RNF126: variants seen among roughly 807,000 people sequenced by gnomAD.
The protein encoded by RNF126 is E3 ubiquitin-protein ligase RNF126.
Under a neutral mutation model 41.9 loss-of-function variants are expected in RNF126, and 20 were observed. The observed-to-expected ratio is 0.48, with a 90% CI of 0.34 to 0.69. The LOEUF is 0.69. Ranked by LOEUF, RNF126 falls within the 30% of genes least tolerant of loss-of-function variation. The pLI is 0.01. For synonymous variants in RNF126, 239 were observed against 202.9 expected, an observed-to-expected ratio of 1.18 and a Z score of -1.51; for missense variants, 433 against 460.6, an observed-to-expected ratio of 0.94 and a Z score of 0.55.
chr19:657,117 T>C (rs1224621173), intron 1 of RNF126, among the ~76,000 whole-genome samples: 1 of 152,202 alleles, frequency 6.6e-6, no homozygotes, highest in Non-Finnish European at 1.5e-5. Flanking sequence ...CCATCTCTCC[T>C]GCTGGGTGCA....
At chr19:650,931 A>G (rs2040738) in intron 4 of RNF126, among the ~76,000 whole-genome samples, 128,930 of 152,072 alleles carry the variant, frequency 0.85, 55,093 homozygotes, top group East Asian at 1. Flanking sequence ...GCCTCCCTAC[A>G]TTGCTCAGGC....
chr19:650,501 C>A, intron 4 of RNF126: 1 of 495,034 alleles, frequency 2.0e-6, no homozygotes, highest in Non-Finnish European at 3.5e-6. Context: ...CACTGCAGCC[C>A]CAACCTGCTG....
At position 649,753 on chromosome 19, in the gene RNF126, A is replaced by G; in HGVS notation, c.507-5T>C. On this transcript the variant is annotated splice_polypyrimidine_tract_variant and splice_region_variant and intron_variant, in intron 5 of 8. Coordinates refer to ENST00000292363, the MANE Select transcript of RNF126 (RefSeq NM_194460.3). ...GGGTTTGAGTGCAGGACTCCCCTGG[A>G]GGTGGAAGGTGGGGTTCAAGTGGCT... 6.4e-7 allele frequency: 1 copy of G among 1,560,044 alleles called. No homozygotes were observed. Among genetic ancestry groups the G allele is most frequent in the Non-Finnish European group, 8.7e-7 (1 of 1,150,828 alleles).
In RNF126 at chr19:647,971, GTGGGCCGGGCCCGGGTCCTGCCC is replaced by G; in HGVS notation, c.*134_*156del. On this transcript the variant is annotated 3_prime_UTR_variant, in exon 9 of 9. Transcript: ENST00000292363. ...CACGCCTTCCCAAGCCAGGGGGCCGGTGGGCCGGGCCCGGGTCCTGCCCTGGAACAGGCGGGACCTGCAGCGCT... is the reference window on the plus strand; with the variant it reads ...CACGCCTTCCCAAGCCAGGGGGCCGGTGGAACAGGCGGGACCTGCAGCGCT... The G allele has an allele frequency of 1.1e-6, 1 of 935,458 alleles. No homozygotes were observed. The highest frequency in any genetic ancestry group is 1.7e-5 in the South Asian group (1 of 57,252). The allele number at this position is 935,458 out of a possible 1,614,324, so 57.9% of individuals were successfully genotyped here.
chr19:653,331 C>G (rs1053415375), intron 1 of RNF126, among the ~76,000 whole-genome samples: 1 of 152,236 alleles, frequency 6.6e-6, no homozygotes, highest in Admixed American at 6.5e-5. Context: ...GCCACGTCCA[C>G]GCTGGCCACA....
In RNF126 at chr19:647,774, C is replaced by A; in HGVS notation, c.*354G>T. The A allele has an allele frequency of 2.8e-6, 1 of 362,864 alleles. No individual in the cohort carries two copies. The highest frequency in any genetic ancestry group is 5.3e-6 in the Non-Finnish European group (1 of 188,716). 22.5% of individuals were successfully genotyped at this position (362,864 alleles called of 1,614,324 possible). On this transcript the variant is annotated 3_prime_UTR_variant, in exon 9 of 9. Transcript: ENST00000292363. ...TTCAGCGCTGGGGGAGCCGCTGGGC[C>A]CCGTCTTCCGCCACAAACCATGCAT...
intron 7 of RNF126, 26 bp downstream of exon 7, chr19:648,856 C>G (rs200892192): frequency 2.2e-5 from 30 of 1,363,464 alleles, no homozygotes; most frequent in Non-Finnish European, 2.8e-5. Flanking sequence ...GTAATTCCCA[C>G]TACTCGGGAG....
At chr19:661,163 G>A (rs769146743) in intron 1 of RNF126, among the ~76,000 whole-genome samples, 1 of 152,226 alleles carries the variant, frequency 6.6e-6, no homozygotes, top group Non-Finnish European at 1.5e-5. Flanking sequence ...GGTCCTCCGT[G>A]TCCAAGGCCA....
Position 648,145 on chromosome 19 carries a change from C to G in RNF126, c.919G>C (p.Ala307Pro). ...ACGTGGGCTCACGAGTTGCTTGTGG[C>G]GTTCTCGTTGCTGGGCGAGCTGGAG... ...SSSSSPSNEN[A>P]TSNS The change falls in exon 9 of 9, where the codon GCC becomes CCC. Residue 307 changes from alanine to proline, a missense_variant. This residue lies in a region of RNF126 where 63 missense variants were observed against 47.9 expected (regional missense o/e 1.32). Coordinates refer to ENST00000292363, the MANE Select transcript of RNF126 (RefSeq NM_194460.3). 6.3e-7 allele frequency: 1 copy of G among 1,594,478 alleles called. No homozygotes were observed.
At chr19:652,178 CG>C in intron 3 of RNF126, 54 bp downstream of exon 3, 1 of 1,404,584 alleles carries the variant, frequency 7.1e-7, no homozygotes, top group Non-Finnish European at 9.4e-7. Context: ...GGCTGGCGCT[CG>C]GGGCCCCGAG....
chr19:661,467 T>G (rs2030799430), intron 1 of RNF126: 1 of 152,282 alleles, frequency 6.6e-6, no homozygotes, highest in South Asian at 2.1e-4. Context: ...AAGGCAAGGC[T>G]CAGTCTCAGC....
chr19:655,332 AAAAAG>A (rs1477878902), intron 1 of RNF126, among the ~76,000 whole-genome samples: 2 of 151,924 alleles, frequency 1.3e-5, no homozygotes, highest in African/African-American at 4.8e-5. Context: ...TGCCAAAAAA[AAAAAG>A]AAAAAGAGAA....
At position 651,306 on chromosome 19, in the gene RNF126, TCTGGGCCCAAGGC is replaced by T. The variant is rs1164128593; in HGVS notation, c.443+292_443+304del. The T allele has an allele frequency of 1.2e-5, 3 of 251,946 alleles. No individual in the cohort carries two copies. In the Admixed American group the frequency reaches 1.7e-4, roughly 14 times the overall value. The allele number at this position is 251,946 out of a possible 1,614,324, so 15.6% of individuals were successfully genotyped here. On this transcript the variant is annotated intron_variant, in intron 4 of 8. Transcript: ENST00000292363. ...CTGCGACGGCTCCCCCAGGCTCTGT[TCTGGGCCCAAGGC>T]CTGGACAGCGTTTGACGACACGCGT... is the stretch of plus-strand genomic sequence containing the variant.
At chr19:651,478 C>A (rs917010423) in intron 4 of RNF126, 133 bp downstream of exon 4, 7 of 888,322 alleles carry the variant, frequency 7.9e-6, no homozygotes, top group Middle Eastern at 3.9e-4. Flanking sequence ...GGCTGGAGGG[C>A]CTGGCCGGGC....
At chr19:658,664 C>A (rs944319651) in intron 1 of RNF126, among the ~76,000 whole-genome samples, 8 of 152,198 alleles carry the variant, frequency 5.3e-5, no homozygotes, top group African/African-American at 1.9e-4. Context: ...CTGGGCCCCA[C>A]GCACCACACA....
chr19:656,630 A>G (rs2030571188), intron 1 of RNF126, among the ~76,000 whole-genome samples: 2 of 152,158 alleles, frequency 1.3e-5, no homozygotes, highest in South Asian at 4.2e-4. Flanking sequence ...CCTGGGCCAC[A>G]GAGTGAGACC....
At position 649,747 on chromosome 19, in the gene RNF126, C is replaced by T; in HGVS notation, c.508G>A (p.Gly170Arg). Residue 170 changes from glycine (G) to arginine (R), a missense_variant and splice_region_variant, in exon 6 of 9, where the codon GGA (glycine) becomes AGA (arginine). This residue lies in a region of RNF126 where 22 missense variants were observed against 45.7 expected (regional missense o/e 0.48). Transcript: ENST00000292363. ...PATIPSLGPW[G>R]VLHSNPMDYA... The stretch of plus-strand genomic sequence containing the variant: ...TCCATAGGGTTTGAGTGCAGGACTC[C>T]CCTGGAGGTGGAAGGTGGGGTTCAA... 6.4e-7 allele frequency: 1 copy of T among 1,563,314 alleles called. No individual in the cohort carries two copies. The highest frequency in any genetic ancestry group is 8.7e-7 in the Non-Finnish European group (1 of 1,152,510).
rs1255954146 is a variant in RNF126, at chr19:663,072, G to T, written c.50C>A (p.Ser17Tyr). The T allele has an allele frequency of 2.0e-5, 28 of 1,376,952 alleles. No homozygotes were observed. The highest frequency in any genetic ancestry group is 3.0e-5 in the African/African-American group (2 of 66,204). The allele number at this position is 1,376,952 out of a possible 1,614,324, so 85.3% of individuals were successfully genotyped here. A position where few individuals can be genotyped will look rare whatever the true frequency, so the allele number is the denominator to read the frequency against. The stretch of plus-strand genomic sequence containing the variant: ...CGGCAGGCGCGGGACGATCTCCACG[G>T]AGCAGCAGTGGCAGAAGTACCGTCC... ...HPGRYFCHCC[S>Y]VEIVPRLPDY... The change falls in exon 1 of 9, where the codon TCC becomes TAC. Residue 17 changes from serine to tyrosine, a missense_variant. Physicochemically the swap from Ser to Tyr is moderately radical, Grantham distance 144. Transcript: ENST00000292363.
rs760860958 is a variant in RNF126, at chr19:648,908, G to A, written c.644C>T (p.Thr215Ile). ...ADKEKIQALPTVPVTEEHVGS... is the reference protein window; with the variant it reads ...ADKEKIQALPIVPVTEEHVGS... ...TACGTGCTCCTCAGTGACGGGGACG[G>A]TGGGGAGGGCCTGGATTTTCTCTTT... Residue 215 changes from threonine (T) to isoleucine (I), a missense_variant, in exon 7 of 9, where the codon ACC (threonine) becomes ATC (isoleucine). By Grantham distance (89) the Thr-to-Ile change is moderately conservative. This residue lies in a region of RNF126 where 97 missense variants were observed against 121.7 expected (regional missense o/e 0.80). Coordinates refer to ENST00000292363, the MANE Select transcript of RNF126 (RefSeq NM_194460.3). The A allele has an allele frequency of 1.4e-5, 20 of 1,431,896 alleles. No homozygotes were observed. The highest frequency in any genetic ancestry group is 1.7e-5 in the South Asian group (1 of 58,116). The allele number at this position is 1,431,896 out of a possible 1,614,324, so 88.7% of individuals were successfully genotyped here.
Sources: gnomAD v4.1 joint callset for allele counts (sites outside exome capture counted in the v4.1 genomes callset) on GRCh38, gnomAD v4.1.1 for gene constraint, gnomAD v4.1.1 regional missense constraint, MANE v1.5 for transcripts, NCBI Gene and HGNC (gene_info 2026-07-23, HGNC 2026-07-21) for gene names.